The following ENTHD1 variants were observed in gnomAD, a reference collection of about 807,000 sequenced individuals.
ENTHD1 encodes the protein ENTH domain-containing protein 1.
Under a neutral mutation model 39.1 loss-of-function variants are expected in ENTHD1, and 23 were observed. That is an observed-to-expected ratio of 0.59 (90% CI 0.42 to 0.83). The LOEUF is 0.83. Among genes scored for constraint, ENTHD1 ranks in the 40% least tolerant of loss-of-function variants. The pLI is 0.00. For missense variants in ENTHD1, 624 were observed against 705.4 expected, an observed-to-expected ratio of 0.88 and a Z score of 1.31; for synonymous variants, 230 against 258.2, an observed-to-expected ratio of 0.89 and a Z score of 1.05.
chr22:39,792,272 C>T (rs1174420475), intron 5 of ENTHD1, among the ~76,000 whole-genome samples: 2 of 151,948 alleles, frequency 1.3e-5, no homozygotes, highest in Non-Finnish European at 2.9e-5. Context: ...ATTGCTGGGC[C>T]AATGGTAGTT....
At chr22:39,831,818 T>A (rs2065871546) in intron 4 of ENTHD1, among the ~76,000 whole-genome samples, 1 of 151,830 alleles carries the variant, frequency 6.6e-6, no homozygotes. Context: ...AAGAGCAAAA[T>A]TCTGTCTCAA....
intron 5 of ENTHD1, among the ~76,000 whole-genome samples, chr22:39,804,452 C>CAA (rs541007024): frequency 0.011 from 823 of 77,986 alleles, 3 homozygotes; most frequent in African/African-American, 0.032. Context: ...GACTCTGTCT[C>CAA]AAAAAAAAAA....
chr22:39,803,501 T>C (rs71321171), intron 5 of ENTHD1, among the ~76,000 whole-genome samples: 1 of 152,164 alleles, frequency 6.6e-6, no homozygotes, highest in Non-Finnish European at 1.5e-5. Flanking sequence ...CAGAAGCTCC[T>C]TGAAGGCAGA....
At position 39,761,111 on chromosome 22, in the gene ENTHD1, T is replaced by A. The variant is rs113240259; in HGVS notation, c.1219+4112A>T. ...TTCTCATTAGGCTGAAAATAATCCT[T>A]CAGTGTTTCTTGTAGTATGGATTCC... is the stretch of plus-strand genomic sequence containing the variant. On this transcript the variant is annotated intron_variant, in intron 6 of 6. Transcript: ENST00000325157. Among the ~76,000 whole-genome samples the A allele has an allele frequency of 2.8e-4, 43 of 152,272 alleles. 1 individual carries two copies. Among genetic ancestry groups the A allele is most frequent in the African/African-American group, 9.6e-4 (40 of 41,588 alleles).
chr22:39,784,712 T>C (rs1408059708), intron 5 of ENTHD1, among the ~76,000 whole-genome samples: 5 of 152,122 alleles, frequency 3.3e-5, no homozygotes, highest in Non-Finnish European at 7.4e-5. Context: ...CTCACTCATA[T>C]GTGGGAACTA....
At chr22:39,752,805 C>T (rs1353413106) in intron 6 of ENTHD1, among the ~76,000 whole-genome samples, 3 of 152,206 alleles carry the variant, frequency 2.0e-5, no homozygotes, top group African/African-American at 7.2e-5. Context: ...GGCTTCCTCC[C>T]TGGAGGGATG....
At chr22:39,827,329 G>A (rs1043610319) in intron 4 of ENTHD1, among the ~76,000 whole-genome samples, 1 of 151,956 alleles carries the variant, frequency 6.6e-6, no homozygotes, top group African/African-American at 2.4e-5. Flanking sequence ...GTAACATTTT[G>A]TAAAGATTTT....
Position 39,750,165 on chromosome 22 carries a change from T to G in ENTHD1, c.1220-5882A>C, listed in dbSNP as rs535432110. On this transcript the variant is annotated intron_variant, in intron 6 of 6. Coordinates refer to ENST00000325157, the MANE Select transcript of ENTHD1 (RefSeq NM_152512.4). ...TTCCTATAGATCAGGTTTTGCTGAT[T>G]TGGGAAAATAAAGACTATGGATCAA... 5 of 209,286 alleles carry G rather than the reference T, an allele frequency of 2.4e-5. No homozygotes were observed. The South Asian group carries it at 2.8e-4, about 12-fold the overall frequency. The allele number at this position is 209,286 out of a possible 1,614,324, so 13.0% of individuals were successfully genotyped here.
rs138651969 is a variant in ENTHD1 at position 39,813,331 on chromosome 22, C to T, written c.832+7662G>A. Among the ~76,000 whole-genome samples the T allele has an allele frequency of 4.1e-3, 622 of 152,260 alleles. 2 individuals are homozygous for T. Among genetic ancestry groups the T allele is most frequent in the African/African-American group, 0.014 (593 of 41,544 alleles). The stretch of plus-strand genomic sequence containing the variant: ...AAAGAGAATTTTAGAAAAAACAGCC[C>T]TAGCTAATTTACTCATAGACATAGA... On this transcript the variant is annotated intron_variant, in intron 5 of 6. Transcript: ENST00000325157.
intron 5 of ENTHD1, among the ~76,000 whole-genome samples, chr22:39,791,822 G>A (rs764814647): frequency 6.6e-5 from 10 of 151,986 alleles, no homozygotes; most frequent in African/African-American, 1.5e-4. Flanking sequence ...TCATTTTGTC[G>A]CCTGGGTACT....
intron 1 of ENTHD1, among the ~76,000 whole-genome samples, chr22:39,888,968 A>C (rs1255997496): frequency 6.6e-6 from 1 of 152,234 alleles, no homozygotes; most frequent in East Asian, 1.9e-4. Flanking sequence ...TAGAACTACA[A>C]GTCCCGAGAA....
At chr22:39,749,860 T>A (rs2146532763) in intron 6 of ENTHD1, among the ~76,000 whole-genome samples, 1 of 152,292 alleles carries the variant, frequency 6.6e-6, no homozygotes, top group Non-Finnish European at 1.5e-5. Context: ...GGGCACTGGG[T>A]TGATCTCACA....
intron 5 of ENTHD1, among the ~76,000 whole-genome samples, chr22:39,774,047 G>A (rs1456521946): frequency 6.6e-6 from 1 of 152,204 alleles, no homozygotes; most frequent in East Asian, 1.9e-4. Flanking sequence ...GAGCAGAGGA[G>A]CTCAATCTAG....
intron 5 of ENTHD1, among the ~76,000 whole-genome samples, chr22:39,766,460 C>T (rs950774646): frequency 2.6e-5 from 4 of 152,230 alleles, no homozygotes; most frequent in East Asian, 1.9e-4. Context: ...ACACCCTCAG[C>T]GCCAGGGCTT....
At chr22:39,807,846 A>G (rs979754938) in intron 5 of ENTHD1, among the ~76,000 whole-genome samples, 1 of 151,142 alleles carries the variant, frequency 6.6e-6, no homozygotes, top group African/African-American at 2.4e-5. Flanking sequence ...AAACTGTGAA[A>G]CTCTTGTTTT....
intron 6 of ENTHD1, among the ~76,000 whole-genome samples, chr22:39,749,215 T>G (rs2065129880): frequency 6.6e-6 from 1 of 152,206 alleles, no homozygotes; most frequent in Non-Finnish European, 1.5e-5. Flanking sequence ...GCCCATTTAG[T>G]TCTCCTGCCC....
chr22:39,814,470 A>C, intron 5 of ENTHD1, among the ~76,000 whole-genome samples: 1 of 152,294 alleles, frequency 6.6e-6, no homozygotes, highest in East Asian at 1.9e-4. Context: ...AGGGAAAAAA[A>C]AAGAAAGCCA....
At chr22:39,798,252 T>A (rs2065566906) in intron 5 of ENTHD1, among the ~76,000 whole-genome samples, 1 of 152,148 alleles carries the variant, frequency 6.6e-6, no homozygotes. Flanking sequence ...ATAACTTTTT[T>A]ATTTTATTCA....
At position 39,835,968 on chromosome 22, in the gene ENTHD1, A is replaced by G. The variant is rs755115935; in HGVS notation, c.593-10T>C. 9 of 1,584,358 alleles carry G rather than the reference A, an allele frequency of 5.7e-6. No homozygotes were observed. The highest frequency in any genetic ancestry group is 1.7e-4 in the Middle Eastern group (1 of 5,996). On this transcript the variant is annotated splice_polypyrimidine_tract_variant and intron_variant, in intron 3 of 6. Coordinates refer to ENST00000325157, the MANE Select transcript of ENTHD1 (RefSeq NM_152512.4). ...GCCTTGCACACATTTCCTGTCAACA[A>G]TATAAAGCTTAAGATTTTACTTTGG...
Sources: allele counts gnomAD v4.1 joint callset (sites outside exome capture counted in the v4.1 genomes callset), GRCh38; gene constraint gnomAD v4.1.1; transcripts MANE v1.5; gene names NCBI Gene and HGNC (gene_info 2026-07-23, HGNC 2026-07-21).